Variants in KAZN observed in about 807,000 individuals in gnomAD.
KAZN encodes the protein kazrin.
KAZN carries 40 observed loss-of-function variants against 87.4 expected under a neutral mutation model. That is an observed-to-expected ratio of 0.46 (90% confidence interval 0.36 to 0.60). The LOEUF is 0.60. Ranked by LOEUF, KAZN falls within the 20% of genes least tolerant of loss-of-function variation. The pLI, the probability that KAZN is intolerant of heterozygous loss-of-function variation, is 0.00. For synonymous variants in KAZN, 466 were observed against 458.3 expected, an observed-to-expected ratio of 1.02 and a Z score of -0.22; for missense variants, 898 against 1,073.9, an observed-to-expected ratio of 0.84 and a Z score of 2.29.
chr1:14,071,006 T>C (rs1479229743), intron 1 of KAZN, among the ~76,000 whole-genome samples: 5 of 152,142 alleles, frequency 3.3e-5, no homozygotes, highest in Non-Finnish European at 5.9e-5. Context: ...TCTCCCTGAC[T>C]GCAGCCCATG....
At chr1:14,073,603 A>C (rs1290683847) in intron 1 of KAZN, among the ~76,000 whole-genome samples, 1 of 150,000 alleles carries the variant, frequency 6.7e-6, no homozygotes, top group Non-Finnish European at 1.5e-5. Context: ...CCCTGTGTCC[A>C]TGTGTTCTCA....
chr1:14,389,902 T>C (rs183688680), intron 2 of KAZN, among the ~76,000 whole-genome samples: 1 of 152,328 alleles, frequency 6.6e-6, no homozygotes, highest in East Asian at 1.9e-4. Context: ...CTGGAGGTGA[T>C]GGGTACCCCA....
At chr1:14,082,229 C>A (rs3817951) in intron 1 of KAZN, among the ~76,000 whole-genome samples, 1 of 152,112 alleles carries the variant, frequency 6.6e-6, no homozygotes, top group African/African-American at 2.4e-5. Context: ...TGAGGACTGC[C>A]TTTTATATAC....
At chr1:14,049,844 A>G (rs1394135932) in intron 1 of KAZN, among the ~76,000 whole-genome samples, 2 of 152,192 alleles carry the variant, frequency 1.3e-5, no homozygotes, top group Non-Finnish European at 2.9e-5. Flanking sequence ...CCAGACATTG[A>G]TCAAAGAATC....
chr1:14,135,559 G>A (rs879657447), intron 1 of KAZN, among the ~76,000 whole-genome samples: 1 of 152,200 alleles, frequency 6.6e-6, no homozygotes, highest in Non-Finnish European at 1.5e-5. Context: ...TCTTTAACAA[G>A]TATCTCGAAC....
intron 2 of KAZN, among the ~76,000 whole-genome samples, chr1:15,032,414 G>A (rs140341268): frequency 0.062 from 9,420 of 151,084 alleles, 363 homozygotes; most frequent in Non-Finnish European, 0.08. Context: ...GGATGGTCTC[G>A]ATCTCCTGAC....
chr1:14,439,747 A>G (rs1666593394), intron 2 of KAZN, among the ~76,000 whole-genome samples: 1 of 152,206 alleles, frequency 6.6e-6, no homozygotes. Flanking sequence ...AATGCCCAAC[A>G]TGAGTGGGTC....
chr1:14,909,393 A>G (rs953673170), intron 1 of KAZN, among the ~76,000 whole-genome samples: 1 of 152,022 alleles, frequency 6.6e-6, no homozygotes, highest in Non-Finnish European at 1.5e-5. Flanking sequence ...AGACCCCTTA[A>G]CAGTGTGCTG....
At chr1:14,734,300 T>C (rs894560928) in intron 1 of KAZN, among the ~76,000 whole-genome samples, 2 of 118,892 alleles carry the variant, frequency 1.7e-5, no homozygotes, top group African/African-American at 3.3e-5. Flanking sequence ...GTTTTTCTTT[T>C]TTCTTTTCTT....
intron 1 of KAZN, among the ~76,000 whole-genome samples, chr1:14,704,938 T>C (rs1642135095): frequency 6.6e-6 from 1 of 152,206 alleles, no homozygotes; most frequent in South Asian, 2.1e-4. Flanking sequence ...TCCTTCTAGG[T>C]GCATAGGTGG....
intron 1 of KAZN, among the ~76,000 whole-genome samples, chr1:14,848,562 C>T (rs1358625953): frequency 6.6e-6 from 1 of 152,224 alleles, no homozygotes; most frequent in African/African-American, 2.4e-5. Flanking sequence ...TAAGCACGAG[C>T]GTGTGGGGTG....
chr1:13,967,166 A>G (rs1641976391), intron 1 of KAZN, among the ~76,000 whole-genome samples: 1 of 152,202 alleles, frequency 6.6e-6, no homozygotes, highest in South Asian at 2.1e-4. Context: ...AGGAAGTTGT[A>G]AAAATAGCAC....
Position 15,034,665 on chromosome 1 carries a change from C to G in KAZN, c.419-84C>G, listed in dbSNP as rs369324622. The G allele has an allele frequency of 2.3e-4, 353 of 1,507,102 alleles. 1 individual carries two copies. The highest frequency in any genetic ancestry group is 3.1e-4 in the Non-Finnish European group (347 of 1,102,868). 93.4% of individuals were successfully genotyped at this position (1,507,102 alleles called of 1,614,324 possible). ...GTTTTCTCACCTGTTACAAAGGTGA[C>G]GGCGGTGATGCCACTTCTCAGCACT... On this transcript the variant is annotated intron_variant, in intron 2 of 14. Transcript: ENST00000376030.
At chr1:14,070,520 T>C (rs1193713246) in intron 1 of KAZN, among the ~76,000 whole-genome samples, 1 of 152,140 alleles carries the variant, frequency 6.6e-6, no homozygotes, top group Non-Finnish European at 1.5e-5. Flanking sequence ...GATTTAATGA[T>C]GAGGATTTAC....
chr1:14,155,665 T>C (rs1405990430), intron 1 of KAZN, among the ~76,000 whole-genome samples: 2 of 152,102 alleles, frequency 1.3e-5, no homozygotes, highest in African/African-American at 4.8e-5. Flanking sequence ...TTCTTCTTTT[T>C]TTGAGACAGG....
chr1:14,498,876 T>C (rs1258886430), intron 2 of KAZN, among the ~76,000 whole-genome samples: 2 of 151,932 alleles, frequency 1.3e-5, no homozygotes, highest in African/African-American at 4.8e-5. Flanking sequence ...CTAGAACCCC[T>C]TCTTCCCCTT....
intron 2 of KAZN, among the ~76,000 whole-genome samples, chr1:14,326,384 T>C (rs761126652): frequency 3.3e-5 from 5 of 152,142 alleles, no homozygotes; most frequent in Admixed American, 6.6e-5. Context: ...ATATCCAGAA[T>C]CCAAACTCCT....
intron 3 of KAZN, among the ~76,000 whole-genome samples, chr1:15,041,885 C>T (rs1672969230): frequency 6.6e-6 from 1 of 152,170 alleles, no homozygotes; most frequent in Non-Finnish European, 1.5e-5. Context: ...GTTGTTTTAC[C>T]TCTCTGGGCC....
chr1:15,055,878 G>A (rs1674901542), intron 4 of KAZN, among the ~76,000 whole-genome samples: 2 of 152,196 alleles, frequency 1.3e-5, no homozygotes, highest in South Asian at 2.1e-4. Context: ...GTGCCTTCGC[G>A]CCTCCAGCTG....
Sources: gnomAD v4.1 joint callset for allele counts (sites outside exome capture counted in the v4.1 genomes callset) on GRCh38, gnomAD v4.1.1 for gene constraint, MANE v1.5 for transcripts, NCBI Gene and HGNC (gene_info 2026-07-23, HGNC 2026-07-21) for gene names.